The following CDH13 variants were observed in gnomAD, a reference collection of about 807,000 sequenced individuals.
The protein encoded by CDH13 is cadherin 13.
A neutral mutation model predicts 63.8 loss-of-function variants in CDH13; 24 were observed. The observed-to-expected ratio is 0.38, with a 90% CI of 0.27 to 0.53. The LOEUF (loss-of-function observed/expected upper bound fraction) is 0.53. CDH13 is among the 20% of genes least tolerant of loss of function. The pLI is 0.85. For missense variants in CDH13, 1,049 were observed against 903.1 expected, an observed-to-expected ratio of 1.16 and a Z score of -2.07; for synonymous variants, 503 against 355.3, an observed-to-expected ratio of 1.42 and a Z score of -4.67.
chr16:83,696,689 A>T (rs897966719), intron 10 of CDH13, among the ~76,000 whole-genome samples: 4 of 152,232 alleles, frequency 2.6e-5, no homozygotes, highest in African/African-American at 9.6e-5. Flanking sequence ...ACTGGCCTTC[A>T]TCTCCAAAAT....
At chr16:82,982,250 T>G (rs893213296) in intron 2 of CDH13, among the ~76,000 whole-genome samples, 1 of 152,142 alleles carries the variant, frequency 6.6e-6, no homozygotes, top group Non-Finnish European at 1.5e-5. Context: ...ATTTTATAAA[T>G]AATACTTATC....
intron 7 of CDH13, among the ~76,000 whole-genome samples, chr16:83,523,511 C>T (rs1466189717): frequency 6.6e-6 from 1 of 152,172 alleles, no homozygotes; most frequent in South Asian, 2.1e-4. Context: ...ACTGGAGCAG[C>T]CTGTACCCTG....
intron 1 of CDH13, among the ~76,000 whole-genome samples, chr16:82,674,132 C>T (rs4783256): frequency 0.27 from 40,965 of 152,010 alleles, 6,069 homozygotes; most frequent in Non-Finnish European, 0.35. Flanking sequence ...GGATGGCAGA[C>T]ACTTGTAATG....
At chr16:83,501,327 G>A (rs1242230512) in intron 7 of CDH13, among the ~76,000 whole-genome samples, 5 of 152,166 alleles carry the variant, frequency 3.3e-5, no homozygotes, top group African/African-American at 1.2e-4. Context: ...AATTCTTTTA[G>A]GTATTTTCTC....
Position 82,923,376 on chromosome 16 carries a change from G to T in CDH13, c.157+64903G>T, listed in dbSNP as rs1261479731. ...TTTATAGTAAGGGTTCAGTACATAAGCATATTTACTGCTGTTATTGTTCTT... is the reference window on the plus strand; with the variant it reads ...TTTATAGTAAGGGTTCAGTACATAATCATATTTACTGCTGTTATTGTTCTT... On this transcript the variant is annotated intron_variant, in intron 2 of 13. Coordinates refer to ENST00000567109, the MANE Select transcript of CDH13 (RefSeq NM_001257.5). 5.9e-5 allele frequency among the ~76,000 whole-genome samples: 9 copies of T among 152,322 alleles called. No individual in the cohort carries two copies. The East Asian group carries it at 1.7e-3, about 29-fold the overall frequency.
chr16:83,180,093 G>C (rs1373563699), intron 4 of CDH13, among the ~76,000 whole-genome samples: 1 of 151,952 alleles, frequency 6.6e-6, no homozygotes, highest in Non-Finnish European at 1.5e-5. Context: ...CATAGTGATT[G>C]TTGTGTTTTT....
At chr16:82,870,327 G>C (rs1284663247) in intron 2 of CDH13, among the ~76,000 whole-genome samples, 1 of 152,132 alleles carries the variant, frequency 6.6e-6, no homozygotes, top group Non-Finnish European at 1.5e-5. Context: ...GAGTGCTGGT[G>C]AGGGGGTGGA....
rs1229024879 is a variant in CDH13 at position 83,214,578 on chromosome 16, T to C, written c.484-2767T>C. ...CTGGGTGACAGAGTGAGACTCTGTC[T>C]CAAAAAAAAAAAAAAAAAAAAAAAG... On this transcript the variant is annotated intron_variant, in intron 4 of 13. Transcript: ENST00000567109. Among the ~76,000 whole-genome samples, 3 of 15,904 alleles carry C rather than the reference T, an allele frequency of 1.9e-4. 1 individual carries two copies. The highest frequency in any genetic ancestry group is 7.7e-3 in the South Asian group (2 of 260). 10.4% of individuals were successfully genotyped at this position (15,904 alleles called of 152,430 possible). A position where few individuals can be genotyped will look rare whatever the true frequency, so the allele number is the denominator to read the frequency against.
intron 1 of CDH13, among the ~76,000 whole-genome samples, chr16:82,832,181 T>TTATTTC (rs1340523914): frequency 6.6e-6 from 1 of 152,198 alleles, no homozygotes; most frequent in African/African-American, 2.4e-5. Context: ...ATTTTTCACG[T>TTATTTC]ATTGAAAATA....
At position 83,344,568 on chromosome 16, in the gene CDH13, G is replaced by T. The variant is rs1290053231; in HGVS notation, c.637-294G>T. Among the ~76,000 whole-genome samples the T allele has an allele frequency of 2.0e-5, 3 of 152,116 alleles. No homozygotes were observed. In the East Asian group the frequency reaches 5.8e-4, roughly 29 times the overall value. ...AGAAATGATACAAGCGTAATTTCTT[G>T]GCTATGACTGTTTATGTTTTGAGTT... On this transcript the variant is annotated intron_variant, in intron 5 of 13. Transcript: ENST00000567109.
chr16:82,629,718 G>A (rs1907782301), intron 1 of CDH13, among the ~76,000 whole-genome samples: 1 of 152,180 alleles, frequency 6.6e-6, no homozygotes, highest in Non-Finnish European at 1.5e-5. Flanking sequence ...GGTAGGAGGT[G>A]AGGAATTCTA....
At chr16:83,596,566 A>AC (rs1391849534) in intron 7 of CDH13, among the ~76,000 whole-genome samples, 1 of 152,176 alleles carries the variant, frequency 6.6e-6, no homozygotes, top group Non-Finnish European at 1.5e-5. Context: ...CAGCAGAGTA[A>AC]CAAATGCAGA....
chr16:83,112,982 G>A (rs1334931543), intron 3 of CDH13, among the ~76,000 whole-genome samples: 3 of 152,138 alleles, frequency 2.0e-5, no homozygotes, highest in Non-Finnish European at 4.4e-5. Context: ...ATGATTCTAG[G>A]AACTGGTGGT....
chr16:83,000,844 T>G (rs1265236724), intron 2 of CDH13, among the ~76,000 whole-genome samples: 1 of 152,036 alleles, frequency 6.6e-6, no homozygotes, highest in African/African-American at 2.4e-5. Flanking sequence ...CTCCCAAGGT[T>G]CTGGGATTAC....
At chr16:82,724,025 C>G (rs2032943427) in intron 1 of CDH13, among the ~76,000 whole-genome samples, 1 of 152,150 alleles carries the variant, frequency 6.6e-6, no homozygotes, top group Non-Finnish European at 1.5e-5. Context: ...TGAAAATGAA[C>G]AACTTCATTG....
intron 5 of CDH13, among the ~76,000 whole-genome samples, chr16:83,293,289 T>C (rs1011706453): frequency 2.0e-5 from 3 of 152,160 alleles, no homozygotes; most frequent in Non-Finnish European, 2.9e-5. Context: ...TATTGAAGCT[T>C]ATTACGTTAG....
At position 83,106,645 on chromosome 16, in the gene CDH13, A is replaced by T. The variant is rs1027801321; in HGVS notation, c.367-18740A>T. ...CAAGATGTATTGTGCCGCAACTAAAATTATGTTTACAGAATCTTTGACGTG... is the reference window on the plus strand; with the variant it reads ...CAAGATGTATTGTGCCGCAACTAAATTTATGTTTACAGAATCTTTGACGTG... On this transcript the variant is annotated intron_variant, in intron 3 of 13. Coordinates refer to ENST00000567109, the MANE Select transcript of CDH13 (RefSeq NM_001257.5). Among the ~76,000 whole-genome samples the T allele has an allele frequency of 3.9e-5, 6 of 152,358 alleles. No individual in the cohort carries two copies. In the East Asian group the frequency reaches 9.6e-4, roughly 24 times the overall value.
At chr16:83,697,468 T>A (rs145544797) in intron 10 of CDH13, among the ~76,000 whole-genome samples, 8 of 152,374 alleles carry the variant, frequency 5.3e-5, no homozygotes, top group African/African-American at 1.9e-4. Context: ...GGTGTTAGGA[T>A]AACCTTCCTT....
At chr16:82,733,582 C>A (rs546268107) in intron 1 of CDH13, among the ~76,000 whole-genome samples, 1 of 152,084 alleles carries the variant, frequency 6.6e-6, no homozygotes, top group Admixed American at 6.6e-5. Flanking sequence ...ATGAGACATT[C>A]AACATTCCAT....
Sources: allele counts gnomAD v4.1 joint callset (sites outside exome capture counted in the v4.1 genomes callset), GRCh38; gene constraint gnomAD v4.1.1; transcripts MANE v1.5; gene names NCBI Gene and HGNC (gene_info 2026-07-23, HGNC 2026-07-21).